The following FBLN2 variants were observed in gnomAD, a reference collection of about 807,000 sequenced individuals.
FBLN2 encodes the protein fibulin 2.
A neutral mutation model predicts 123.7 loss-of-function variants in FBLN2; 81 were observed. The observed-to-expected ratio is 0.65, with a 90% confidence interval of 0.55 to 0.79. The LOEUF is 0.79. Ranked by LOEUF, FBLN2 falls within the 30% of genes least tolerant of loss-of-function variation. The pLI is 0.00. For synonymous variants in FBLN2, 699 were observed against 701.4 expected (o/e 1.00, Z 0.05); for missense variants, 1,603 against 1,681.3 (o/e 0.95, Z 0.81).
chr3:13,566,816 G>T (rs994510406), intron 1 of FBLN2, among the ~76,000 whole-genome samples: 2 of 152,198 alleles, frequency 1.3e-5, no homozygotes, highest in South Asian at 2.1e-4. Flanking sequence ...ATGCATGCTG[G>T]TAACCAATTT....
intron 14 of FBLN2, among the ~76,000 whole-genome samples, chr3:13,630,397 G>A (rs1706216467): frequency 1.3e-5 from 2 of 152,236 alleles, no homozygotes; most frequent in Non-Finnish European, 2.9e-5. Flanking sequence ...GTGAGGGGGC[G>A]AGGGGCCAAG....
In FBLN2 at chr3:13,607,056, C is replaced by T. The variant is rs1040713247; in HGVS notation, c.1307-1006C>T. On this transcript the variant is annotated intron_variant, in intron 2 of 17. Transcript: ENST00000404922. ...AGGCTGGAGTGCAGTGGCACAATCT[C>T]GGCTCACTACAACCTCTGCCTCCCA... is the stretch of plus-strand genomic sequence containing the variant. Among the ~76,000 whole-genome samples the T allele has an allele frequency of 5.9e-5, 9 of 152,164 alleles. No homozygotes were observed. In the East Asian group the frequency reaches 7.7e-4, roughly 13 times the overall value.
In FBLN2 at chr3:13,637,733, G is replaced by A. The variant is rs1269841655; in HGVS notation, c.3510G>A (p.Lys1170=). Residue 1170 remains lysine, a synonymous_variant, in exon 18 of 18, where the codon AAG becomes AAA. Transcript: ENST00000404922. ...TGDTIALNII[K]GNEEGYFGTR... is the part of the protein sequence containing the mutation. Reference sequence around the variant, plus strand: ...ACACCATCGCCCTGAACATCATCAAGGGCAATGAGGAGGGCTACTTTGGCA... The same window carrying A: ...ACACCATCGCCCTGAACATCATCAAAGGCAATGAGGAGGGCTACTTTGGCA... 2 of 1,613,994 alleles carry A rather than the reference G, an allele frequency of 1.2e-6. No homozygotes were observed. Among genetic ancestry groups the A allele is most frequent in the Non-Finnish European group, 1.7e-6 (2 of 1,179,852 alleles).
intron 11 of FBLN2, 60 bp downstream of exon 11, chr3:13,628,029 G>T (rs892709172): frequency 6.4e-7 from 1 of 1,559,714 alleles, no homozygotes; most frequent in Non-Finnish European, 8.7e-7. Context: ...AGGCATTGTG[G>T]GGGCTTTTAG....
Position 13,618,973 on chromosome 3 carries a change from C to T in FBLN2, c.2009C>T (p.Ser670Phe). The T allele has an allele frequency of 6.2e-7, 1 of 1,613,128 alleles. No homozygotes were observed. The highest frequency in any genetic ancestry group is 8.5e-7 in the Non-Finnish European group (1 of 1,179,696). ...ALKSEFSQVASNTIPLPLPQP... is the reference protein window; with the variant it reads ...ALKSEFSQVAFNTIPLPLPQP... ...AAGTCAGAATTTTCCCAGGTGGCCT[C>T]TAACACCATCCCGCTGCCACTGCCG... The change falls in exon 7 of 18, where the codon TCT becomes TTT. Residue 670 changes from serine to phenylalanine, a missense_variant. Transcript: ENST00000404922.
intron 2 of FBLN2, among the ~76,000 whole-genome samples, chr3:13,575,646 C>T (rs1285210307): frequency 6.6e-6 from 1 of 152,106 alleles, no homozygotes; most frequent in Non-Finnish European, 1.5e-5. Context: ...TCTAGGATCC[C>T]ACAGCCCAGA....
chr3:13,626,429 C>A lies in FBLN2; in HGVS notation c.2297-16C>A. On this transcript the variant is annotated splice_polypyrimidine_tract_variant and intron_variant, in intron 9 of 17. Transcript: ENST00000404922. ...TGGGGACTCTGCAGCCTCTGATGGC[C>A]TCGCTCTCCCTGCAGACATCAACGA... 6.4e-7 allele frequency: 1 copy of A among 1,559,750 alleles called. No homozygotes were observed. Among genetic ancestry groups the A allele is most frequent in the East Asian group, 2.4e-5 (1 of 42,454 alleles).
At chr3:13,604,271 C>T (rs1705133500) in intron 2 of FBLN2, among the ~76,000 whole-genome samples, 1 of 152,172 alleles carries the variant, frequency 6.6e-6, no homozygotes, top group Non-Finnish European at 1.5e-5. Flanking sequence ...GCTTTTGTTA[C>T]CCTTGCTTTT....
intron 2 of FBLN2, among the ~76,000 whole-genome samples, chr3:13,579,453 C>T (rs1704250968): frequency 6.6e-6 from 1 of 152,208 alleles, no homozygotes; most frequent in Admixed American, 6.5e-5. Flanking sequence ...GTCTTGGAGA[C>T]CCTATAGGGC....
At chr3:13,612,055 C>G (rs1052995093) in intron 4 of FBLN2, among the ~76,000 whole-genome samples, 11 of 152,128 alleles carry the variant, frequency 7.2e-5, no homozygotes, top group African/African-American at 2.4e-4. Flanking sequence ...AGGTCTCAAG[C>G]CTGGGTGATG....
chr3:13,616,227 A>G (rs866656229), intron 5 of FBLN2, among the ~76,000 whole-genome samples: 2 of 152,318 alleles, frequency 1.3e-5, no homozygotes, highest in Middle Eastern at 3.4e-3. Flanking sequence ...TACTGGTGTG[A>G]AGGCCAGGTT....
chr3:13,604,076 A>G (rs1705127389), intron 2 of FBLN2, among the ~76,000 whole-genome samples: 1 of 151,966 alleles, frequency 6.6e-6, no homozygotes, highest in Non-Finnish European at 1.5e-5. Context: ...CCACTTTTTG[A>G]TGGGGTTGTT....
chr3:13,567,853 A>G (rs1470027569), intron 1 of FBLN2, among the ~76,000 whole-genome samples: 1 of 152,096 alleles, frequency 6.6e-6, no homozygotes, highest in Admixed American at 6.5e-5. Flanking sequence ...ACCTACTCAG[A>G]AGGCTGAGGT....
chr3:13,586,826 G>GA (rs1704522242), intron 2 of FBLN2, among the ~76,000 whole-genome samples: 1 of 146,240 alleles, frequency 6.8e-6, no homozygotes, highest in Admixed American at 6.8e-5. Flanking sequence ...TAGTTTTTAA[G>GA]AAAAAAGATT....
Position 13,571,301 on chromosome 3 carries a change from A to T in FBLN2, c.946A>T (p.Ser316Cys). Residue 316 changes from serine to cysteine, a missense_variant, in exon 2 of 18, where the codon AGT (serine) becomes TGT (cysteine). Physicochemically the swap from Ser to Cys is moderately radical, Grantham distance 112 (BLOSUM62 -1). Transcript: ENST00000404922. ...GCCCACTACAGCCCCAGCTGGACCC[A>T]GTCTTCCTATCCAGGAGGAGAGGGC... ...GLPTTAPAGP[S>C]LPIQEERAEA... The T allele has an allele frequency of 1.3e-6, 2 of 1,588,148 alleles. No individual in the cohort carries two copies. The highest frequency in any genetic ancestry group is 1.7e-6 in the Non-Finnish European group (2 of 1,167,882).
chr3:13,621,715 C>G, intron 8 of FBLN2, 60 bp from the exon 9 acceptor site: 1 of 1,587,684 alleles, frequency 6.3e-7, no homozygotes, highest in South Asian at 1.1e-5. Context: ...ACTGGATGCT[C>G]CGTGGCAGCC....
In FBLN2 at chr3:13,627,851, G is replaced by A. The variant is rs373086520; in HGVS notation, c.2451G>A (p.Met817Ile). Residue 817 changes from methionine (M) to isoleucine (I), a missense_variant, in exon 11 of 18, where the codon ATG (methionine) becomes ATA (isoleucine). Coordinates refer to ENST00000404922, the MANE Select transcript of FBLN2 (RefSeq NM_001004019.2). ...CTGCAGACGTGGATGAGTGTGCGAT[G>A]GGCACGCACACCTGCCAGCCGGGCT... The part of the protein sequence containing the change: ...GECEDVDECA[M>I]GTHTCQPGFL... The A allele has an allele frequency of 2.5e-6, 4 of 1,613,238 alleles. No individual in the cohort carries two copies. The African/African-American group carries it at 4.0e-5, about 16-fold the overall frequency.
chr3:13,571,090 C>T lies in FBLN2; in HGVS notation c.735C>T (p.Pro245=), dbSNP rs1347082942. Residue 245 remains proline (P), a synonymous_variant, in exon 2 of 18, where the codon CCC becomes CCT. Transcript: ENST00000404922. Reference sequence around the variant, plus strand: ...AGCCACTGTCCACCATCCAGGCACCCCCCTGGCCAGCTGTCCTCCCCAGGC... The same window carrying T: ...AGCCACTGTCCACCATCCAGGCACCTCCCTGGCCAGCTGTCCTCCCCAGGC... The part of the protein sequence containing the change: ...GSQPLSTIQA[P]PWPAVLPRPT... The T allele has an allele frequency of 2.6e-6, 4 of 1,553,322 alleles. No individual in the cohort carries two copies. Among genetic ancestry groups the T allele is most frequent in the Non-Finnish European group, 3.5e-6 (4 of 1,148,676 alleles).
At chr3:13,617,444 A>T (rs1006007588) in intron 5 of FBLN2, among the ~76,000 whole-genome samples, 14 of 150,812 alleles carry the variant, frequency 9.3e-5, no homozygotes, top group African/African-American at 3.2e-4. Flanking sequence ...CCATCTATCC[A>T]TCCACCCACC....
Sources: allele counts gnomAD v4.1 joint callset (sites outside exome capture counted in the v4.1 genomes callset), GRCh38; gene constraint gnomAD v4.1.1; transcripts MANE v1.5; gene names NCBI Gene and HGNC (gene_info 2026-07-23, HGNC 2026-07-21).